Variants in AKIRIN1 observed in about 807,000 individuals in gnomAD.
AKIRIN1 encodes akirin-1.
Under a neutral mutation model 25.9 loss-of-function variants are expected in AKIRIN1, and 4 were observed. The observed-to-expected ratio is 0.15, with a 90% CI of 0.08 to 0.35. The LOEUF (loss-of-function observed/expected upper bound fraction) is 0.35, where lower values mean the gene tolerates loss of function less well. AKIRIN1 is among the 10% of genes least tolerant of loss of function. The pLI is 1.00. For missense variants in AKIRIN1, 243 were observed against 266.1 expected (o/e 0.91, Z 0.61); for synonymous variants, 125 against 105.1 (o/e 1.19, Z -1.16).
intron 1 of AKIRIN1, among the ~76,000 whole-genome samples, chr1:38,992,312 A>G (rs1340186539): frequency 6.6e-6 from 1 of 152,172 alleles, no homozygotes; most frequent in African/African-American, 2.4e-5. Flanking sequence ...AAGGCGTTCC[A>G]CTTTGTCCAA....
intron 1 of AKIRIN1, among the ~76,000 whole-genome samples, chr1:38,997,202 TACAA>T (rs893036044): frequency 2.0e-5 from 3 of 152,158 alleles, no homozygotes; most frequent in African/African-American, 4.8e-5. Context: ...AATTAGTAGG[TACAA>T]ACAAAGAACT....
chr1:38,992,170 TA>T (rs560251141), intron 1 of AKIRIN1, among the ~76,000 whole-genome samples: 22 of 152,360 alleles, frequency 1.4e-4, no homozygotes, highest in African/African-American at 5.3e-4. Context: ...TCTTTTATTA[TA>T]TGGCTATTGC....
At chr1:38,992,624 G>T (rs1431519612) in intron 1 of AKIRIN1, among the ~76,000 whole-genome samples, 1 of 152,028 alleles carries the variant, frequency 6.6e-6, no homozygotes, top group Non-Finnish European at 1.5e-5. Flanking sequence ...CTCACACCAA[G>T]ATTCCTACAC....
At chr1:39,000,814 GC>G (rs1327542490) in intron 2 of AKIRIN1, among the ~76,000 whole-genome samples, 157 bp from the exon 3 acceptor site, 7 of 151,840 alleles carry the variant, frequency 4.6e-5, no homozygotes. Flanking sequence ...GCCCTACCAC[GC>G]CCAGCTAATT....
At position 39,001,100 on chromosome 1, in the gene AKIRIN1, C is replaced by T. The variant is rs1352292821; in HGVS notation, c.490C>T (p.Leu164=). 4 of 1,610,910 alleles carry T rather than the reference C, an allele frequency of 2.5e-6. No homozygotes were observed. Among genetic ancestry groups the T allele is most frequent in the African/African-American group, 1.3e-5 (1 of 74,910 alleles). The part of the protein sequence containing the change: ...EEYEQILNTK[L]AEQYESFVKF... ...GTATGAGCAAATCCTCAATACCAAA[C>T]TAGCAGGTAGGCCCAGGCAGTGACT... Residue 164 remains leucine (L), a synonymous_variant, in exon 3 of 5, where the codon CTA becomes TTA. Coordinates refer to ENST00000432648, the MANE Select transcript of AKIRIN1 (RefSeq NM_024595.3).
In AKIRIN1 at chr1:39,005,389, T is replaced by A. The variant is rs772340850; in HGVS notation, c.*1334T>A. 5 of 152,020 alleles carry A rather than the reference T, an allele frequency of 3.3e-5. No individual in the cohort carries two copies. Among genetic ancestry groups the A allele is most frequent in the Non-Finnish European group, 7.4e-5 (5 of 68,010 alleles). The allele number at this position is 152,020 out of a possible 1,614,324, so 9.4% of individuals were successfully genotyped here. On this transcript the variant is annotated 3_prime_UTR_variant, in exon 5 of 5. Transcript: ENST00000432648. ...TTTGAGGTGTCCATGGTCAACTGCT[T>A]CAGCTTTGTTTTGGCAACCCCCTGC...
At chr1:39,002,080 T>C (rs988474052) in intron 3 of AKIRIN1, among the ~76,000 whole-genome samples, 1 of 152,178 alleles carries the variant, frequency 6.6e-6, no homozygotes, top group African/African-American at 2.4e-5. Context: ...GTGGATAATA[T>C]TCCACATTAA....
chr1:38,991,563 C>A lies in AKIRIN1; in HGVS notation c.183C>A (p.Pro61=), dbSNP rs1257406584. ...CCCCACCGCAGAGTCTGCAGCAGCC[C>A]GCCCCGCCCGGCAGCGAGCGGCGCC... ...TQTPPQSLQQ[P]APPGSERRLP... is the part of the protein sequence containing the mutation. The change falls in exon 1 of 5, where the codon CCC becomes CCA. Residue 61 remains proline (P), a synonymous_variant. Transcript: ENST00000432648. The A allele has an allele frequency of 7.3e-7, 1 of 1,377,736 alleles. No individual in the cohort carries two copies. The highest frequency in any genetic ancestry group is 9.4e-7 in the Non-Finnish European group (1 of 1,068,492). 85.3% of individuals were successfully genotyped at this position (1,377,736 alleles called of 1,614,324 possible). A position where few individuals can be genotyped will look rare whatever the true frequency, so the allele number is the denominator to read the frequency against.
chr1:38,999,922 G>A (rs994641703), intron 2 of AKIRIN1, among the ~76,000 whole-genome samples: 2 of 151,168 alleles, frequency 1.3e-5, no homozygotes, highest in Admixed American at 1.3e-4. Context: ...TTGCTCTGTC[G>A]CCCAGGCTGG....
At chr1:38,994,266 C>A (rs1643930551) in intron 1 of AKIRIN1, among the ~76,000 whole-genome samples, 1 of 152,142 alleles carries the variant, frequency 6.6e-6, no homozygotes, top group Non-Finnish European at 1.5e-5. Flanking sequence ...TCCAAAACTT[C>A]TGTCTCAAGC....
chr1:38,991,879 C>T (rs1643908746), intron 1 of AKIRIN1, among the ~76,000 whole-genome samples: 3 of 152,078 alleles, frequency 2.0e-5, no homozygotes, highest in Admixed American at 6.5e-5. Flanking sequence ...CTGGCCGCTC[C>T]GGGCCCTCCC....
At chr1:38,991,822 G>T (rs1224940651) in intron 1 of AKIRIN1, among the ~76,000 whole-genome samples, 1 of 152,170 alleles carries the variant, frequency 6.6e-6, no homozygotes, top group Non-Finnish European at 1.5e-5. Flanking sequence ...TTTCCTGGGG[G>T]AGGAGAGCCT....
intron 2 of AKIRIN1, 99 bp from the exon 3 acceptor site, chr1:39,000,873 T>C: frequency 7.5e-7 from 1 of 1,341,740 alleles, no homozygotes; most frequent in Non-Finnish European, 1.0e-6. Context: ...CAGGCTGGTC[T>C]CCACCTCAGA....
At chr1:38,993,328 C>G (rs1643922978) in intron 1 of AKIRIN1, among the ~76,000 whole-genome samples, 1 of 151,258 alleles carries the variant, frequency 6.6e-6, no homozygotes, top group African/African-American at 2.4e-5. Flanking sequence ...GTGGGTGGAT[C>G]AAGAGACCGA....
intron 1 of AKIRIN1, 58 bp downstream of exon 1, chr1:38,991,658 GGTGGTGGGGGAGGGTT>G: frequency 9.8e-7 from 1 of 1,020,244 alleles, no homozygotes; most frequent in Non-Finnish European, 1.3e-6. Flanking sequence ...TTTTGGGGGG[GGTGGTGGGGGAGGGTT>G]GGGAATACCA....
chr1:39,003,598 C>T (rs1262176834), intron 4 of AKIRIN1, among the ~76,000 whole-genome samples, 180 bp downstream of exon 4: 1 of 152,158 alleles, frequency 6.6e-6, no homozygotes, highest in South Asian at 2.1e-4. Context: ...TGAGGGAGTA[C>T]TATTATTAGC....
In AKIRIN1 at chr1:39,003,429, C is replaced by A. The variant is rs1257195859; in HGVS notation, c.568+11C>A. On this transcript the variant is annotated intron_variant, in intron 4 of 4. Coordinates refer to ENST00000432648, the MANE Select transcript of AKIRIN1 (RefSeq NM_024595.3). ...CAAGGCCAACAAGCTGTAAGTATTGCCACATTTTCTTTGAATTTTCTAAGT... is the reference window on the plus strand; with the variant it reads ...CAAGGCCAACAAGCTGTAAGTATTGACACATTTTCTTTGAATTTTCTAAGT... The A allele has an allele frequency of 6.2e-7, 1 of 1,609,282 alleles. No individual in the cohort carries two copies. Among genetic ancestry groups the A allele is most frequent in the East Asian group, 2.2e-5 (1 of 44,826 alleles).
intron 1 of AKIRIN1, among the ~76,000 whole-genome samples, chr1:38,994,869 TA>T (rs1643936092): frequency 6.6e-6 from 1 of 151,874 alleles, no homozygotes; most frequent in East Asian, 1.9e-4. Flanking sequence ...TTTGTATTTT[TA>T]GTGGAGATAG....
At chr1:39,001,918 G>A (rs1368414904) in intron 3 of AKIRIN1, among the ~76,000 whole-genome samples, 1 of 152,142 alleles carries the variant, frequency 6.6e-6, no homozygotes, top group African/African-American at 2.4e-5. Flanking sequence ...TGGATGTGGC[G>A]AGTTGGGTGT....
Sources: allele counts gnomAD v4.1 joint callset (sites outside exome capture counted in the v4.1 genomes callset), GRCh38; gene constraint gnomAD v4.1.1; transcripts MANE v1.5; gene names NCBI Gene and HGNC (gene_info 2026-07-23, HGNC 2026-07-21).